The following WDR36 variants were observed in gnomAD, a reference collection of about 807,000 sequenced individuals.
WDR36 encodes the protein WD repeat domain 36.
WDR36 carries 63 observed loss-of-function variants against 112.7 expected under a neutral mutation model. That is an observed-to-expected ratio of 0.56 (90% confidence interval 0.46 to 0.69). The LOEUF is 0.69. Among genes scored for constraint, WDR36 ranks in the 30% least tolerant of loss-of-function variants. The pLI is 0.00. For synonymous variants in WDR36, 410 were observed against 362.2 expected (o/e 1.13, Z -1.50); for missense variants, 1,226 against 1,070.3 (o/e 1.15, Z -2.03).
chr5:111,113,756 A>G (rs1387298746), intron 16 of WDR36, among the ~76,000 whole-genome samples: 1 of 152,076 alleles, frequency 6.6e-6, no homozygotes, highest in Non-Finnish European at 1.5e-5. Context: ...GAGACTCTGA[A>G]GAGTCCCAAG....
chr5:111,104,109 A>G, intron 7 of WDR36, 68 bp from the exon 8 acceptor site: 6 of 1,473,104 alleles, frequency 4.1e-6, no homozygotes, highest in Non-Finnish European at 4.7e-6. Context: ...AAGGGAAGAG[A>G]GAAGAATTCT....
At chr5:111,096,925 AT>A in intron 2 of WDR36, 153 bp from the exon 3 acceptor site, 2 of 583,268 alleles carry the variant, frequency 3.4e-6, no homozygotes, top group Non-Finnish European at 6.0e-6. Context: ...TATCTAAAAT[AT>A]TTTAGTTAAA....
At chr5:111,096,913 G>A in intron 2 of WDR36, 166 bp from the exon 3 acceptor site, 1 of 554,500 alleles carries the variant, frequency 1.8e-6, no homozygotes, top group East Asian at 3.1e-5. Context: ...GTTACTATTA[G>A]ATATCTAAAA....
intron 21 of WDR36, 26 bp from the exon 22 acceptor site, chr5:111,125,582 C>A: frequency 6.3e-7 from 1 of 1,598,842 alleles, no homozygotes; most frequent in South Asian, 1.1e-5. Context: ...ATAATCAAGT[C>A]ATAACTGGAT....
rs35527062 is a variant in WDR36 at position 111,113,052 on chromosome 5, A to ATATATATATATTT, written c.1717-21_1717-20insATATATATATTTT. On this transcript the variant is annotated intron_variant, in intron 15 of 22. Transcript: ENST00000513710. ...ATATAAATAATATATATATATATAT[A>ATATATATATATTT]TTTTTTTTTTTTAATTTAAAGGCTT... 1,002 of 473,510 alleles carry ATATATATATATTT rather than the reference A, an allele frequency of 2.1e-3. 7 individuals carry two copies. The African/African-American group carries it at 0.024, about 11-fold the overall frequency. 29.3% of individuals were successfully genotyped at this position (473,510 alleles called of 1,614,324 possible). A position where few individuals can be genotyped will look rare whatever the true frequency, so the allele number is the denominator to read the frequency against.
Position 111,130,337 on chromosome 5 carries a change from T to C in WDR36, c.*3454T>C, listed in dbSNP as rs1444286198. On this transcript the variant is annotated 3_prime_UTR_variant, in exon 23 of 23. Transcript: ENST00000513710. ...TATTTGTGTTTGGTTGAAAAAAGTTTGCATATAAGTGAAACTTAGCATTTC... is the reference window on the plus strand; with the variant it reads ...TATTTGTGTTTGGTTGAAAAAAGTTCGCATATAAGTGAAACTTAGCATTTC... The C allele has an allele frequency of 5.3e-6, 1 of 188,328 alleles. No homozygotes were observed. The highest frequency in any genetic ancestry group is 1.1e-5 in the Non-Finnish European group (1 of 89,038). The allele number at this position is 188,328 out of a possible 1,614,324, so 11.7% of individuals were successfully genotyped here. A position where few individuals can be genotyped will look rare whatever the true frequency, so the allele number is the denominator to read the frequency against.
At chr5:111,125,873 A>G (rs1753670705) in intron 22 of WDR36, 78 bp downstream of exon 22, 2 of 1,488,900 alleles carry the variant, frequency 1.3e-6, no homozygotes, top group East Asian at 4.6e-5. Flanking sequence ...TTCTGCAAAG[A>G]TGGGTATGCT....
chr5:111,119,148 G>A (rs200808279), intron 17 of WDR36, 28 bp downstream of exon 17: 55 of 1,550,950 alleles, frequency 3.5e-5, no homozygotes, highest in Non-Finnish European at 4.6e-5. Flanking sequence ...GTTCTGTTTT[G>A]GGATGAAGAA....
chr5:111,094,104 A>G (rs1448699472), intron 1 of WDR36, among the ~76,000 whole-genome samples: 2 of 152,194 alleles, frequency 1.3e-5, no homozygotes, highest in South Asian at 2.1e-4. Flanking sequence ...GACTATGGCT[A>G]TATATGCTGT....
Position 111,129,433 on chromosome 5 carries a change from G to GA in WDR36, c.*2556dup, listed in dbSNP as rs1473335183. ...TGGATTTTTGTAATTTAATTACTCT[G>GA]AAAAAATTATTTTGGTTTTAAATCA... On this transcript the variant is annotated 3_prime_UTR_variant, in exon 23 of 23. Coordinates refer to ENST00000513710, the MANE Select transcript of WDR36 (RefSeq NM_139281.3). 5.2e-6 allele frequency: 1 copy of GA among 193,320 alleles called. No individual in the cohort carries two copies. The highest frequency in any genetic ancestry group is 8.2e-5 in the East Asian group (1 of 12,172). 12.0% of individuals were successfully genotyped at this position (193,320 alleles called of 1,614,324 possible).
intron 16 of WDR36, among the ~76,000 whole-genome samples, chr5:111,117,820 A>G (rs1753487049): frequency 6.6e-6 from 1 of 152,218 alleles, no homozygotes; most frequent in African/African-American, 2.4e-5. Context: ...GGCTTCAGAA[A>G]AGCTGTAATT....
At chr5:111,113,478 T>C (rs1206517427) in intron 16 of WDR36, among the ~76,000 whole-genome samples, 1 of 152,106 alleles carries the variant, frequency 6.6e-6, no homozygotes, top group Non-Finnish European at 1.5e-5. Context: ...GACTTAAGGA[T>C]GGCAAACTTT....
rs992374885 is a variant in WDR36 at position 111,130,030 on chromosome 5, T to G, written c.*3147T>G. The G allele has an allele frequency of 4.7e-6, 1 of 212,664 alleles. No homozygotes were observed. Among genetic ancestry groups the G allele is most frequent in the South Asian group, 1.9e-4 (1 of 5,368 alleles). 13.2% of individuals were successfully genotyped at this position (212,664 alleles called of 1,614,324 possible). On this transcript the variant is annotated 3_prime_UTR_variant, in exon 23 of 23. Coordinates refer to ENST00000513710, the MANE Select transcript of WDR36 (RefSeq NM_139281.3). Reference sequence around the variant, plus strand: ...ATTCCTAGTAAATGATGCATTACTTTGGTATGTTCTCAGATTTGGGTAAAG... The same window carrying G: ...ATTCCTAGTAAATGATGCATTACTTGGGTATGTTCTCAGATTTGGGTAAAG...
chr5:111,111,182 A>G lies in WDR36; in HGVS notation c.1620A>G (p.Gly540=). 1 of 1,611,790 alleles carries G rather than the reference A, an allele frequency of 6.2e-7. No individual in the cohort carries two copies. The highest frequency in any genetic ancestry group is 8.5e-7 in the Non-Finnish European group (1 of 1,178,316). The change falls in exon 15 of 23, where the codon GGA becomes GGG. Residue 540 remains glycine, a synonymous_variant. Transcript: ENST00000513710. ...TTTATCTTGCTAGTGGCATTCTGGGACTCGCCTTGGATGACTTCTCCATTA... is the reference window on the plus strand; with the variant it reads ...TTTATCTTGCTAGTGGCATTCTGGGGCTCGCCTTGGATGACTTCTCCATTA... ...MLLHRDSGIL[G]LALDDFSISV... is the part of the protein sequence containing the mutation.
rs754266738 is a variant in WDR36 at position 111,128,785 on chromosome 5, A to G, written c.*1902A>G. On this transcript the variant is annotated 3_prime_UTR_variant, in exon 23 of 23. Coordinates refer to ENST00000513710, the MANE Select transcript of WDR36 (RefSeq NM_139281.3). Reference sequence around the variant, plus strand: ...AGAAATAGAAAATATAATTTTATCTATATTTTCCTTAAAATATATCAATCT... The same window carrying G: ...AGAAATAGAAAATATAATTTTATCTGTATTTTCCTTAAAATATATCAATCT... The G allele has an allele frequency of 3.8e-5, 7 of 182,018 alleles. No homozygotes were observed. Among genetic ancestry groups the G allele is most frequent in the Non-Finnish European group, 8.2e-5 (7 of 85,460 alleles). 11.3% of individuals were successfully genotyped at this position (182,018 alleles called of 1,614,324 possible).
chr5:111,092,690 C>G lies in WDR36; in HGVS notation c.162+72C>G, dbSNP rs1580387358. ...GCCTCTAACTCTGTCCTGGAGCAGT[C>G]CGGTTCTCCCTTCCCATTTACCACG... is the stretch of plus-strand genomic sequence containing the variant. On this transcript the variant is annotated intron_variant, in intron 1 of 22. Transcript: ENST00000513710. 3.3e-6 allele frequency: 5 copies of G among 1,495,436 alleles called. No homozygotes were observed. In the South Asian group the frequency reaches 4.7e-5, roughly 14 times the overall value. The allele number at this position is 1,495,436 out of a possible 1,614,324, so 92.6% of individuals were successfully genotyped here. A position where few individuals can be genotyped will look rare whatever the true frequency, so the allele number is the denominator to read the frequency against.
In WDR36 at chr5:111,100,377, A is replaced by G. The variant is rs1435162067; in HGVS notation, c.410-212A>G. Among the ~76,000 whole-genome samples, 5 of 151,880 alleles carry G rather than the reference A, an allele frequency of 3.3e-5. No individual in the cohort carries two copies. The East Asian group carries it at 7.7e-4, about 23-fold the overall frequency. ...GTATTTTTATTAGAAGTTACAGAAA[A>G]TTTTTGACAGTCTAAATTAAATTAC... On this transcript the variant is annotated intron_variant, in intron 4 of 22. Coordinates refer to ENST00000513710, the MANE Select transcript of WDR36 (RefSeq NM_139281.3).
At chr5:111,124,387 TA>T (rs1306870682) in intron 21 of WDR36, among the ~76,000 whole-genome samples, 198 bp downstream of exon 21, 7 of 152,258 alleles carry the variant, frequency 4.6e-5, no homozygotes, top group Admixed American at 2.6e-4. Context: ...ATTGATATTA[TA>T]AAAATCTGTT....
intron 12 of WDR36, among the ~76,000 whole-genome samples, chr5:111,109,474 T>A (rs1013209454): frequency 1.3e-5 from 2 of 151,356 alleles, no homozygotes; most frequent in Admixed American, 6.6e-5. Context: ...AAATACTTTC[T>A]ACTTAGTTTG....
Sources: gnomAD v4.1 joint callset for allele counts (sites outside exome capture counted in the v4.1 genomes callset) on GRCh38, gnomAD v4.1.1 for gene constraint, MANE v1.5 for transcripts, NCBI Gene and HGNC (gene_info 2026-07-23, HGNC 2026-07-21) for gene names.